Variants in GRIA2 observed in about 807,000 individuals in gnomAD.
GRIA2 encodes glutamate ionotropic receptor AMPA type subunit 2.
Under a neutral mutation model 97.3 loss-of-function variants are expected in GRIA2, and 14 were observed. The ratio of observed to expected loss-of-function variants is 0.14; its 90% CI spans 0.10 to 0.23. The LOEUF (loss-of-function observed/expected upper bound fraction) is 0.23, where lower values mean the gene tolerates loss of function less well. GRIA2 is among the 10% of genes least tolerant of loss of function. The probability of loss-of-function intolerance (pLI) is 1.00; values close to 1 mark genes in which losing one functional copy is unlikely to be tolerated. For missense variants in GRIA2, 558 were observed against 1,069.8 expected, an observed-to-expected ratio of 0.52 and a Z score of 6.67; for synonymous variants, 412 against 387.8, an observed-to-expected ratio of 1.06 and a Z score of -0.73.
At chr4:157,289,523 A>G (rs910568257) in intron 2 of GRIA2, among the ~76,000 whole-genome samples, 11 of 151,914 alleles carry the variant, frequency 7.2e-5, no homozygotes, top group Admixed American at 4.0e-4. Context: ...ATGTACAGGT[A>G]AAATTCAAGA....
At chr4:157,320,715 AT>A (rs1242140836) in intron 5 of GRIA2, among the ~76,000 whole-genome samples, 1 of 152,138 alleles carries the variant, frequency 6.6e-6, no homozygotes, top group Non-Finnish European at 1.5e-5. Flanking sequence ...TATTTGTGAA[AT>A]GTGAAAACAT....
chr4:157,338,980 C>T (rs1240535131), intron 11 of GRIA2, among the ~76,000 whole-genome samples: 1 of 151,752 alleles, frequency 6.6e-6, no homozygotes, highest in African/African-American at 2.4e-5. Flanking sequence ...TGATTCTTTT[C>T]CAAGTAAAAT....
chr4:157,275,602 C>T (rs1732261687), intron 2 of GRIA2, among the ~76,000 whole-genome samples: 1 of 152,048 alleles, frequency 6.6e-6, no homozygotes. Context: ...GTCAGTTTTC[C>T]CAGCACCATT....
chr4:157,306,918 C>T (rs1733870469), intron 3 of GRIA2, among the ~76,000 whole-genome samples: 1 of 152,118 alleles, frequency 6.6e-6, no homozygotes, highest in Non-Finnish European at 1.5e-5. Context: ...CCTTTGTCCA[C>T]ATTAACCACA....
chr4:157,340,529 T>A (rs1735501036), intron 11 of GRIA2, among the ~76,000 whole-genome samples: 1 of 151,998 alleles, frequency 6.6e-6, no homozygotes, highest in South Asian at 2.1e-4. Flanking sequence ...ACTAGAAATT[T>A]ATGTCTTCAC....
At chr4:157,301,911 A>C (rs911183294) in intron 2 of GRIA2, among the ~76,000 whole-genome samples, 4 of 152,074 alleles carry the variant, frequency 2.6e-5, no homozygotes, top group Non-Finnish European at 5.9e-5. Context: ...ATGGTGGCTC[A>C]TGCCTGTAAT....
At chr4:157,250,439 G>T (rs753619207) in intron 2 of GRIA2, among the ~76,000 whole-genome samples, 6 of 151,890 alleles carry the variant, frequency 4.0e-5, no homozygotes, top group Non-Finnish European at 5.9e-5. Context: ...GTCAATTTTC[G>T]CAATTGAAGA....
chr4:157,294,193 CT>C (rs59119203), intron 2 of GRIA2, among the ~76,000 whole-genome samples: 203 of 143,992 alleles, frequency 1.4e-3, no homozygotes, highest in Middle Eastern at 7.4e-3. Context: ...AAAGTTCTGT[CT>C]TTTTTTTTTT....
At chr4:157,317,798 G>C (rs1478507695) in intron 5 of GRIA2, 87 bp downstream of exon 5, 2 of 620,848 alleles carry the variant, frequency 3.2e-6, no homozygotes, top group Non-Finnish European at 5.8e-6. Context: ...TTTATCAGTG[G>C]TGTTTTAAAA....
intron 2 of GRIA2, among the ~76,000 whole-genome samples, chr4:157,274,829 C>T (rs1041904043): frequency 2.0e-5 from 3 of 151,936 alleles, no homozygotes; most frequent in African/African-American, 4.8e-5. Flanking sequence ...AATAAACATA[C>T]GTATGCATGT....
rs1400393692 is a variant in GRIA2 at position 157,363,715 on chromosome 4, A to G, written c.*284A>G. ...TTCTTTCAGCCAAGAATTCTTAAAT[A>G]TGTGGAGTTCATCTTGAATTGTAAG... On this transcript the variant is annotated 3_prime_UTR_variant, in exon 16 of 16. Transcript: ENST00000264426. The G allele has an allele frequency of 4.4e-6, 2 of 450,002 alleles. No individual in the cohort carries two copies. Among genetic ancestry groups the G allele is most frequent in the African/African-American group, 4.0e-5 (2 of 49,570 alleles). 27.9% of individuals were successfully genotyped at this position (450,002 alleles called of 1,614,324 possible).
chr4:157,351,558 G>A (rs2126972844), intron 12 of GRIA2, among the ~76,000 whole-genome samples: 1 of 152,286 alleles, frequency 6.6e-6, no homozygotes. Context: ...TTACCAAAAA[G>A]ATATGATTCT....
At chr4:157,289,606 A>G (rs1459326774) in intron 2 of GRIA2, among the ~76,000 whole-genome samples, 2 of 151,788 alleles carry the variant, frequency 1.3e-5, no homozygotes, top group Non-Finnish European at 2.9e-5. Context: ...GTTACTTCGA[A>G]TTGTTTTCTT....
At position 157,347,111 on chromosome 4, in the gene GRIA2, T is replaced by C. The variant is rs183670131; in HGVS notation, c.2043+5649T>C. Among the ~76,000 whole-genome samples the C allele has an allele frequency of 5.3e-5, 8 of 152,234 alleles. No homozygotes were observed. In the East Asian group the frequency reaches 1.4e-3, roughly 26 times the overall value. ...CCAGTTTAAGGACCGTGCAGCTCAT[T>C]CAGTAGTTCTTAAATTTCATAGGAA... On this transcript the variant is annotated intron_variant, in intron 12 of 15. Transcript: ENST00000264426.
chr4:157,318,963 T>A (rs1012083712), intron 5 of GRIA2, among the ~76,000 whole-genome samples: 1 of 152,190 alleles, frequency 6.6e-6, no homozygotes, highest in Non-Finnish European at 1.5e-5. Flanking sequence ...GCCTTCCAAC[T>A]GATAAATGTT....
chr4:157,308,531 T>C (rs1430134833), intron 3 of GRIA2, among the ~76,000 whole-genome samples: 2 of 152,218 alleles, frequency 1.3e-5, no homozygotes, highest in African/African-American at 4.8e-5. Context: ...TGATCAACTA[T>C]GTATCTCAAC....
At chr4:157,357,513 T>G (rs1029045182) in intron 12 of GRIA2, among the ~76,000 whole-genome samples, 1 of 152,152 alleles carries the variant, frequency 6.6e-6, no homozygotes, top group Non-Finnish European at 1.5e-5. Flanking sequence ...TCTGATTCAG[T>G]ATCATCAATG....
Position 157,307,197 on chromosome 4 carries a change from G to C in GRIA2, c.469+3406G>C, listed in dbSNP as rs149537643. Among the ~76,000 whole-genome samples, 519 of 152,242 alleles carry C rather than the reference G, an allele frequency of 3.4e-3. 3 individuals carry two copies. Among genetic ancestry groups the C allele is most frequent in the African/African-American group, 0.012 (483 of 41,536 alleles). ...AACATTCTGCCCTAATCATGAACTA[G>C]ATGAAAATGACTTGAAATTGTTATA... On this transcript the variant is annotated intron_variant, in intron 3 of 15. Transcript: ENST00000264426.
intron 2 of GRIA2, among the ~76,000 whole-genome samples, chr4:157,256,886 G>A (rs1037019945): frequency 6.6e-6 from 1 of 151,896 alleles, no homozygotes; most frequent in Non-Finnish European, 1.5e-5. Context: ...AGCCAAATTT[G>A]GATTCTGCTT....
Sources: allele counts gnomAD v4.1 joint callset (sites outside exome capture counted in the v4.1 genomes callset), GRCh38; gene constraint gnomAD v4.1.1; transcripts MANE v1.5; gene names NCBI Gene and HGNC (gene_info 2026-07-23, HGNC 2026-07-21).